The following PHF24 variants were observed in gnomAD, a reference collection of about 807,000 sequenced individuals.
PHF24 encodes Galpha inhibitory interacting protein.
In PHF24, 25 loss-of-function variants were observed where a neutral mutation model predicts 42.6. The observed-to-expected ratio is 0.59, with a 90% CI of 0.43 to 0.82. The LOEUF (loss-of-function observed/expected upper bound fraction) is 0.82. Ranked by LOEUF, PHF24 falls within the 40% of genes least tolerant of loss-of-function variation. The pLI, the probability that PHF24 is intolerant of heterozygous loss-of-function variation, is 0.00. For synonymous variants in PHF24, 185 were observed against 204.8 expected (o/e 0.90, Z 0.83); for missense variants, 470 against 538.1 (o/e 0.87, Z 1.25).
chr9:34,881,591 A>C, the PHF24 span, among the ~76,000 whole-genome samples: 3 of 152,224 alleles, frequency 2.0e-5, no homozygotes. Context: ...ACCTCTACAC[A>C]AATAAACTAG....
chr9:34,857,972 G>GAATTTTTTCTTTGGT, the PHF24 span, among the ~76,000 whole-genome samples: 1 of 95,954 alleles, frequency 1.0e-5, no homozygotes, highest in Non-Finnish European at 2.4e-5. Context: ...TGTTTCTCTG[G>GAATTTTTTCTTTGGT]TTTTTTTTTT....
At chr9:34,673,002 T>A in the PHF24 span, among the ~76,000 whole-genome samples, 5,251 of 152,028 alleles carry the variant, frequency 0.035, 126 homozygotes, top group Non-Finnish European at 0.05. Context: ...AGCATGAGTT[T>A]TGGAGGGGAC....
the PHF24 span, among the ~76,000 whole-genome samples, chr9:34,819,215 G>T: frequency 1.3e-5 from 2 of 151,652 alleles, no homozygotes; most frequent in African/African-American, 2.4e-5. Context: ...TTTGTCATTT[G>T]TTCTCAAAGA....
At chr9:34,792,784 C>A in the PHF24 span, among the ~76,000 whole-genome samples, 1 of 152,160 alleles carries the variant, frequency 6.6e-6, no homozygotes, top group Admixed American at 6.5e-5. Flanking sequence ...AATGTCTTAT[C>A]CAGATATTCT....
At chr9:34,726,490 G>C in the PHF24 span, 1 of 1,551,650 alleles carries the variant, frequency 6.4e-7, no homozygotes, top group South Asian at 1.2e-5. Flanking sequence ...AGTGATGCTG[G>C]CCTTGGTTTC....
At chr9:34,771,631 ATTACT>A in the PHF24 span, among the ~76,000 whole-genome samples, 1 of 152,178 alleles carries the variant, frequency 6.6e-6, no homozygotes, top group African/African-American at 2.4e-5. Flanking sequence ...AATGTATGTG[ATTACT>A]TTATGCCATT....
the PHF24 span, among the ~76,000 whole-genome samples, chr9:34,908,382 GA>G: frequency 1.3e-5 from 2 of 150,916 alleles, no homozygotes; most frequent in African/African-American, 2.4e-5. Flanking sequence ...GACGGAAACA[GA>G]AAAAAAAATC....
At chr9:34,742,857 C>T in the PHF24 span, among the ~76,000 whole-genome samples, 1 of 152,314 alleles carries the variant, frequency 6.6e-6, no homozygotes, top group East Asian at 1.9e-4. Context: ...AGTCATGCTT[C>T]ATGAACATGT....
chr9:34,695,135 G>T, the PHF24 span, among the ~76,000 whole-genome samples: 1 of 152,230 alleles, frequency 6.6e-6, no homozygotes, highest in Non-Finnish European at 1.5e-5. Flanking sequence ...TTCTGTAGTG[G>T]TGGGGAGTCC....
chr9:34,916,583 A>G, the PHF24 span, among the ~76,000 whole-genome samples: 10 of 152,250 alleles, frequency 6.6e-5, no homozygotes, highest in Admixed American at 2.6e-4. Context: ...TCTCAGAGAT[A>G]TGTCATAACA....
At chr9:34,929,628 C>A in the PHF24 span, among the ~76,000 whole-genome samples, 1 of 152,170 alleles carries the variant, frequency 6.6e-6, no homozygotes. Flanking sequence ...ATCAGATTTG[C>A]AGGTAATCAA....
exon 2 of PHF24, chr9:34,971,391 G>T: frequency 6.2e-7 from 1 of 1,614,168 alleles, no homozygotes. Context: ...TGCGGGACAG[G>T]CCTTCCATCC....
At chr9:34,876,607 G>A in the PHF24 span, among the ~76,000 whole-genome samples, 1 of 152,094 alleles carries the variant, frequency 6.6e-6, no homozygotes, top group African/African-American at 2.4e-5. Flanking sequence ...TTACTCATTA[G>A]AGAAATGCAA....
the PHF24 span, among the ~76,000 whole-genome samples, chr9:34,704,177 C>A: frequency 6.6e-6 from 1 of 151,706 alleles, no homozygotes; most frequent in African/African-American, 2.4e-5. Flanking sequence ...TAGGCCTGTG[C>A]CACCGTGCCT....
At chr9:34,971,784 A>G (rs2132903985) in intron 2 of PHF24, 108 bp downstream of exon 2, 1 of 1,292,524 alleles carries the variant, frequency 7.7e-7, no homozygotes, top group Non-Finnish European at 1.1e-6. Context: ...AATGGAGCTG[A>G]GTCCAAAAAA....
At chr9:34,783,973 T>C in the PHF24 span, among the ~76,000 whole-genome samples, 1 of 152,250 alleles carries the variant, frequency 6.6e-6, no homozygotes, top group African/African-American at 2.4e-5. Flanking sequence ...TTCTGCTCTA[T>C]ATTTTTTAGC....
At chr9:34,719,641 G>A in the PHF24 span, among the ~76,000 whole-genome samples, 1 of 152,212 alleles carries the variant, frequency 6.6e-6, no homozygotes, top group Non-Finnish European at 1.5e-5. Context: ...GTGGGAGCCT[G>A]TAGGGAACCA....
the PHF24 span, among the ~76,000 whole-genome samples, chr9:34,765,684 C>A: frequency 2.7e-4 from 40 of 150,108 alleles, no homozygotes; most frequent in African/African-American, 9.7e-4. Context: ...TTAATTGGAG[C>A]ATTTAGCCCA....
chr9:34,786,519 G>A, the PHF24 span, among the ~76,000 whole-genome samples: 2,767 of 152,214 alleles, frequency 0.018, 59 homozygotes, highest in East Asian at 0.093. Context: ...CCACTCTGCC[G>A]TGATATTTGC....
Sources: allele counts gnomAD v4.1 joint callset (sites outside exome capture counted in the v4.1 genomes callset), GRCh38; gene constraint gnomAD v4.1.1; transcripts MANE v1.5; gene names NCBI Gene and HGNC (gene_info 2026-07-23, HGNC 2026-07-21).